PDE4B: variants seen among roughly 807,000 people sequenced by gnomAD.
PDE4B encodes the protein 3',5'-cyclic-AMP phosphodiesterase 4B.
Under a neutral mutation model 82.2 loss-of-function variants are expected in PDE4B, and 20 were observed. That is an observed-to-expected ratio of 0.24 (90% CI 0.17 to 0.35). The LOEUF (loss-of-function observed/expected upper bound fraction) is 0.35. Among genes scored for constraint, PDE4B ranks in the 10% least tolerant of loss-of-function variants. The pLI, the probability that PDE4B is intolerant of heterozygous loss-of-function variation, is 1.00. For synonymous variants in PDE4B, 320 were observed against 318.9 expected (o/e 1.00, Z -0.04); for missense variants, 655 against 907.2 (o/e 0.72, Z 3.57).
At chr1:66,134,754 A>G (rs1646021155) in intron 3 of PDE4B, among the ~76,000 whole-genome samples, 1 of 152,236 alleles carries the variant, frequency 6.6e-6, no homozygotes, top group Admixed American at 6.5e-5. Context: ...TGTTTTATAC[A>G]ATTATTTCCT....
intron 3 of PDE4B, among the ~76,000 whole-genome samples, chr1:66,099,891 A>T (rs1458060571): frequency 6.6e-6 from 1 of 152,110 alleles, no homozygotes; most frequent in African/African-American, 2.4e-5. Context: ...TTCCTGCAAG[A>T]CACCATACTC....
At chr1:65,975,517 G>A (rs1223321438) in intron 3 of PDE4B, among the ~76,000 whole-genome samples, 2 of 152,216 alleles carry the variant, frequency 1.3e-5, no homozygotes, top group East Asian at 3.8e-4. Flanking sequence ...ATTTGCATAA[G>A]GAAAGAGGAG....
At chr1:66,097,670 TC>T (rs1645143295) in intron 3 of PDE4B, among the ~76,000 whole-genome samples, 1 of 152,002 alleles carries the variant, frequency 6.6e-6, no homozygotes, top group Non-Finnish European at 1.5e-5. Flanking sequence ...TTTATATTAC[TC>T]TTTCTCTCTA....
At chr1:66,198,596 G>A (rs1258808075) in intron 3 of PDE4B, among the ~76,000 whole-genome samples, 3 of 151,830 alleles carry the variant, frequency 2.0e-5, no homozygotes, top group Non-Finnish European at 4.4e-5. Flanking sequence ...CTTCTCCTGT[G>A]TTTTTATTTT....
upstream of PDE4B, chr1:65,792,563 GGA>G (rs1044906323): frequency 6.6e-6 from 1 of 152,086 alleles, no homozygotes; most frequent in African/African-American, 2.4e-5. Flanking sequence ...CTCCCGGCTG[GGA>G]GAGAGGGTTA....
At chr1:66,116,456 T>C (rs1645595841) in intron 3 of PDE4B, among the ~76,000 whole-genome samples, 1 of 152,186 alleles carries the variant, frequency 6.6e-6, no homozygotes, top group Non-Finnish European at 1.5e-5. Context: ...AAGGCAGCAA[T>C]GCTTCTGTTT....
intron 9 of PDE4B, among the ~76,000 whole-genome samples, chr1:66,357,448 AGC>A (rs1662345932): frequency 6.6e-6 from 1 of 152,096 alleles, no homozygotes; most frequent in African/African-American, 2.4e-5. Context: ...GCTAAATATG[AGC>A]GCTGAGTCTC....
chr1:66,079,945 A>G (rs1044710678), intron 3 of PDE4B, among the ~76,000 whole-genome samples: 5 of 152,178 alleles, frequency 3.3e-5, no homozygotes, highest in African/African-American at 4.8e-5. Flanking sequence ...CTTGTTGGAC[A>G]GTTTAAATGG....
At chr1:66,308,017 A>T (rs912136720) in intron 7 of PDE4B, among the ~76,000 whole-genome samples, 1 of 152,112 alleles carries the variant, frequency 6.6e-6, no homozygotes, top group Non-Finnish European at 1.5e-5. Context: ...TCATAAACTT[A>T]TGAGGTAACC....
intron 1 of PDE4B, among the ~76,000 whole-genome samples, chr1:65,885,112 G>A (rs1443828241): frequency 6.6e-6 from 1 of 152,198 alleles, no homozygotes; most frequent in African/African-American, 2.4e-5. Context: ...ATGAAAAAAT[G>A]CTCATCATCA....
chr1:66,365,876 A>G (rs1376143314), intron 13 of PDE4B, 110 bp downstream of exon 13: 4 of 582,656 alleles, frequency 6.9e-6, no homozygotes, highest in African/African-American at 5.5e-5. Context: ...TAATGAGGCA[A>G]TCCTTCCATT....
intron 1 of PDE4B, among the ~76,000 whole-genome samples, chr1:65,804,012 A>G (rs777714611): frequency 5.4e-4 from 82 of 152,350 alleles, no homozygotes; most frequent in Middle Eastern, 3.4e-3. Flanking sequence ...CACTAACTTA[A>G]TTGTGTAACT....
chr1:66,330,839 G>C, intron 7 of PDE4B: 3 of 961,308 alleles, frequency 3.1e-6, no homozygotes, highest in Non-Finnish European at 3.7e-6. Context: ...AAGGAAGGAA[G>C]GTATGTGTAA....
At chr1:66,037,185 G>A (rs1341459761) in intron 3 of PDE4B, among the ~76,000 whole-genome samples, 4 of 151,832 alleles carry the variant, frequency 2.6e-5, no homozygotes, top group African/African-American at 9.7e-5. Context: ...ATGACATTGG[G>A]ATTTTGATAA....
At chr1:65,792,823 A>G (rs1302902250), upstream of PDE4B, among the ~76,000 whole-genome samples, 1 of 151,934 alleles carries the variant, frequency 6.6e-6, no homozygotes, top group East Asian at 2.0e-4. Context: ...GCGGCAGACC[A>G]AGTGGCACCG....
intron 1 of PDE4B, among the ~76,000 whole-genome samples, chr1:65,820,426 A>G (rs1645939721): frequency 6.6e-6 from 1 of 152,214 alleles, no homozygotes; most frequent in African/African-American, 2.4e-5. Flanking sequence ...TAAAATATGA[A>G]ATTATAAAGA....
At chr1:66,125,395 A>G (rs1645803091) in intron 3 of PDE4B, among the ~76,000 whole-genome samples, 1 of 152,060 alleles carries the variant, frequency 6.6e-6, no homozygotes, top group African/African-American at 2.4e-5. Context: ...AACACCTGAC[A>G]TCATGATCCA....
At chr1:66,044,227 T>C (rs1310146163) in intron 3 of PDE4B, among the ~76,000 whole-genome samples, 1 of 151,764 alleles carries the variant, frequency 6.6e-6, no homozygotes, top group East Asian at 1.9e-4. Context: ...AACATACTGC[T>C]TTCTATTTTG....
intron 3 of PDE4B, among the ~76,000 whole-genome samples, chr1:66,159,734 C>G (rs1201582206): frequency 6.6e-6 from 1 of 152,084 alleles, no homozygotes; most frequent in Middle Eastern, 3.2e-3. Context: ...CGTAAAAGCT[C>G]TAATATTCCC....
Sources: allele counts gnomAD v4.1 joint callset (sites outside exome capture counted in the v4.1 genomes callset), GRCh38; gene constraint gnomAD v4.1.1; transcripts MANE v1.5; gene names NCBI Gene and HGNC (gene_info 2026-07-23, HGNC 2026-07-21).